Variants in PLCB1 observed in about 807,000 individuals in gnomAD.
PLCB1 encodes phospholipase C beta 1, also known as 1-phosphatidylinositol 4,5-bisphosphate phosphodiesterase beta-1.
A neutral mutation model predicts 161.8 loss-of-function variants in PLCB1; 46 were observed. The observed-to-expected ratio is 0.28, with a 90% CI of 0.22 to 0.36. The LOEUF (loss-of-function observed/expected upper bound fraction) is 0.36. Among genes scored for constraint, PLCB1 ranks in the 10% least tolerant of loss-of-function variants. PLCB1 has a pLI of 1.00. For synonymous variants in PLCB1, 517 were observed against 503.7 expected, an observed-to-expected ratio of 1.03 and a Z score of -0.35; for missense variants, 1,016 against 1,472.5, an observed-to-expected ratio of 0.69 and a Z score of 5.07.
Position 8,525,256 on chromosome 20 carries a change from CAA to C in PLCB1, c.247-103028_247-103027del, listed in dbSNP as rs11087804. On this transcript the variant is annotated intron_variant, in intron 3 of 31. Coordinates refer to ENST00000338037, the MANE Select transcript of PLCB1 (RefSeq NM_015192.4). The stretch of plus-strand genomic sequence containing the variant: ...TATCTTCTTAACCCATATATATAGC[CAA>C]AAAAAAAAAGGAGCTAATTGCAGAC... 7.6e-3 allele frequency among the ~76,000 whole-genome samples: 1,118 copies of C among 146,856 alleles called. 6 individuals carry two copies. The highest frequency in any genetic ancestry group is 0.012 in the Non-Finnish European group (781 of 66,276).
At chr20:8,514,769 A>G (rs1396059012) in intron 3 of PLCB1, among the ~76,000 whole-genome samples, 1 of 152,160 alleles carries the variant, frequency 6.6e-6, no homozygotes, top group Non-Finnish European at 1.5e-5. Flanking sequence ...GTATGTATGT[A>G]TGGGTGAATA....
At chr20:8,842,258 T>C (rs1392982561) in intron 31 of PLCB1, among the ~76,000 whole-genome samples, 2 of 152,252 alleles carry the variant, frequency 1.3e-5, no homozygotes, top group Non-Finnish European at 2.9e-5. Context: ...GAATTTTTAA[T>C]ATTTAATTAA....
chr20:8,808,411 C>G (rs1164955407), intron 31 of PLCB1, among the ~76,000 whole-genome samples: 1 of 152,082 alleles, frequency 6.6e-6, no homozygotes, highest in South Asian at 2.1e-4. Flanking sequence ...TATAAGGACA[C>G]CAGCCCCATC....
chr20:8,723,151 C>T (rs1006792673), intron 15 of PLCB1, among the ~76,000 whole-genome samples: 1 of 152,154 alleles, frequency 6.6e-6, no homozygotes, highest in African/African-American at 2.4e-5. Context: ...TACTTGATGT[C>T]CTTCCTCTTA....
chr20:8,583,668 T>TGCATACCTACAA (rs1986901871), intron 3 of PLCB1, among the ~76,000 whole-genome samples: 1 of 152,234 alleles, frequency 6.6e-6, no homozygotes, highest in Admixed American at 6.5e-5. Flanking sequence ...CATTTCCTGC[T>TGCATACCTACAA]GCATACCTAC....
At chr20:8,149,159 A>G (rs898411809) in intron 1 of PLCB1, among the ~76,000 whole-genome samples, 5 of 152,228 alleles carry the variant, frequency 3.3e-5, no homozygotes, top group African/African-American at 9.6e-5. Context: ...ATAATCCACT[A>G]TAATAATAAT....
intron 1 of PLCB1, among the ~76,000 whole-genome samples, chr20:8,139,430 A>C (rs527815730): frequency 6.6e-6 from 1 of 152,108 alleles, no homozygotes; most frequent in East Asian, 1.9e-4. Context: ...TATTTGGTTA[A>C]TGTTCTGTTT....
chr20:8,512,364 T>A (rs1983925569), intron 3 of PLCB1, among the ~76,000 whole-genome samples: 1 of 152,176 alleles, frequency 6.6e-6, no homozygotes, highest in Non-Finnish European at 1.5e-5. Context: ...GTATTTCACA[T>A]ATTTTTAAAA....
At chr20:8,491,602 C>T (rs999946815) in intron 3 of PLCB1, among the ~76,000 whole-genome samples, 43 of 152,158 alleles carry the variant, frequency 2.8e-4, no homozygotes, top group African/African-American at 9.9e-4. Flanking sequence ...AGTCTTTCCT[C>T]AACCTTGGGA....
chr20:8,639,980 A>G (rs1182738385), intron 4 of PLCB1, among the ~76,000 whole-genome samples: 2 of 152,212 alleles, frequency 1.3e-5, no homozygotes, highest in African/African-American at 4.8e-5. Context: ...AATCAAGGCC[A>G]AAGACAAAGA....
At chr20:8,852,830 A>G (rs1049236044) in intron 31 of PLCB1, among the ~76,000 whole-genome samples, 1 of 152,256 alleles carries the variant, frequency 6.6e-6, no homozygotes, top group Non-Finnish European at 1.5e-5. Context: ...ACAGAAGCAC[A>G]GTATACCAGA....
chr20:8,276,983 C>CTTATTATTATTATTA (rs1327121503), intron 2 of PLCB1, among the ~76,000 whole-genome samples: 47 of 99,206 alleles, frequency 4.7e-4, no homozygotes, highest in South Asian at 7.3e-4. Flanking sequence ...TCTTCTTCTT[C>CTTATTATTATTATTA]TTCTTATTAT....
chr20:8,697,393 C>T (rs1203658579), intron 10 of PLCB1, among the ~76,000 whole-genome samples: 4 of 152,190 alleles, frequency 2.6e-5, no homozygotes, highest in Non-Finnish European at 5.9e-5. Flanking sequence ...AGTTAATAAA[C>T]ATGCATCGTT....
intron 2 of PLCB1, among the ~76,000 whole-genome samples, chr20:8,318,818 A>G (rs1418075728): frequency 1.3e-5 from 2 of 152,216 alleles, no homozygotes; most frequent in African/African-American, 2.4e-5. Context: ...TGATGTTCAA[A>G]TAATACAATA....
intron 2 of PLCB1, among the ~76,000 whole-genome samples, chr20:8,261,908 A>G (rs1172054481): frequency 6.6e-6 from 1 of 152,206 alleles, no homozygotes. Flanking sequence ...TCATCCAGAC[A>G]TTGAGATCTA....
At chr20:8,322,486 T>C (rs1478563495) in intron 2 of PLCB1, among the ~76,000 whole-genome samples, 1 of 151,784 alleles carries the variant, frequency 6.6e-6, no homozygotes, top group East Asian at 1.9e-4. Flanking sequence ...AAAAAATCAG[T>C]AGGTAGAATA....
chr20:8,669,637 G>A (rs1384615071), intron 9 of PLCB1, among the ~76,000 whole-genome samples: 2 of 152,156 alleles, frequency 1.3e-5, no homozygotes, highest in Non-Finnish European at 2.9e-5. Flanking sequence ...GGCTCTCAAT[G>A]TAGTAGAACC....
At chr20:8,299,918 T>A (rs1983819424) in intron 2 of PLCB1, among the ~76,000 whole-genome samples, 1 of 152,226 alleles carries the variant, frequency 6.6e-6, no homozygotes, top group Admixed American at 6.5e-5. Flanking sequence ...AGCTATAATG[T>A]TGCCTTATGT....
At chr20:8,411,332 G>C (rs187418970) in intron 3 of PLCB1, among the ~76,000 whole-genome samples, 15 of 152,286 alleles carry the variant, frequency 9.8e-5, no homozygotes, top group African/African-American at 2.6e-4. Flanking sequence ...ATACATCTTA[G>C]TGTTAAAATT....
Sources: allele counts gnomAD v4.1 joint callset (sites outside exome capture counted in the v4.1 genomes callset), GRCh38; gene constraint gnomAD v4.1.1; transcripts MANE v1.5; gene names NCBI Gene and HGNC (gene_info 2026-07-23, HGNC 2026-07-21).